The following SPATA21 variants were observed in gnomAD, a reference collection of about 807,000 sequenced individuals.
SPATA21 encodes spermatogenesis associated 21, also known as spermatogenesis-associated protein 21.
A neutral mutation model predicts 54.8 loss-of-function variants in SPATA21; 47 were observed. The ratio of observed to expected loss-of-function variants is 0.86; its 90% confidence interval spans 0.68 to 1.09. SPATA21 has a LOEUF of 1.09. Ranked by LOEUF, SPATA21 falls within the 50% of genes least tolerant of loss-of-function variation. The pLI is 0.00. For synonymous variants in SPATA21, 245 were observed against 235.3 expected, an observed-to-expected ratio of 1.04 and a Z score of -0.38; for missense variants, 599 against 596.4, an observed-to-expected ratio of 1.00 and a Z score of -0.05.
intron 3 of SPATA21, among the ~76,000 whole-genome samples, chr1:16,422,840 A>G (rs2086209910): frequency 1.3e-5 from 2 of 152,178 alleles, no homozygotes; most frequent in Admixed American, 1.3e-4. Flanking sequence ...ACTTCAAAGA[A>G]CAAGAATCCT....
At position 16,410,001 on chromosome 1, in the gene SPATA21, G is replaced by T. The variant is rs1344885435; in HGVS notation, c.187C>A (p.Gln63Lys). The T allele has an allele frequency of 1.3e-6, 2 of 1,590,294 alleles. No homozygotes were observed. Among genetic ancestry groups the T allele is most frequent in the South Asian group, 1.2e-5 (1 of 86,488 alleles). Residue 63 changes from glutamine (Q) to lysine (K), a missense_variant, in exon 6 of 13, where the codon CAG (glutamine) becomes AAG (lysine). Transcript: ENST00000335496. ...ACCGCGGGCTTCTGAGGCTGCTGCT[G>T]CGCACGGTCTGGCTCCCGCCTCTCT... is the stretch of plus-strand genomic sequence containing the variant. ...IGERREPDRA[Q>K]QQPQKPAVAA...
In SPATA21 at chr1:16,403,579, C is replaced by T. The variant is rs143659198; in HGVS notation, c.1001+148G>A. The T allele has an allele frequency of 6.5e-3, 4,561 of 698,312 alleles. 165 individuals carry two copies. In the African/African-American group the frequency reaches 0.071, roughly 11 times the overall value. The allele number at this position is 698,312 out of a possible 1,614,324, so 43.3% of individuals were successfully genotyped here. On this transcript the variant is annotated intron_variant, in intron 10 of 12. Coordinates refer to ENST00000335496, the MANE Select transcript of SPATA21 (RefSeq NM_198546.1). ...TCTCAGCTCACTGCAACCTCCACCTCCTGGGTTCAAGCGATTCTCGTGCCT... is the reference window on the plus strand; with the variant it reads ...TCTCAGCTCACTGCAACCTCCACCTTCTGGGTTCAAGCGATTCTCGTGCCT...
At chr1:16,437,079 G>A (rs1255500496) in intron 1 of SPATA21, 49 bp downstream of exon 1, 2 of 152,138 alleles carry the variant, frequency 1.3e-5, no homozygotes, top group Non-Finnish European at 2.9e-5. Context: ...TCTGGAGGCC[G>A]TCAGGGAAAG....
Position 16,416,094 on chromosome 1 carries a change from C to T in SPATA21, c.144+5415G>A, listed in dbSNP as rs1032780382. ...TCTTCTGTCACTGCTCTGCTACCCC[C>T]GAGCCTGCAGGGGCTCCCTGTGACT... On this transcript the variant is annotated intron_variant, in intron 5 of 12. Transcript: ENST00000335496. Among the ~76,000 whole-genome samples the T allele has an allele frequency of 2.6e-5, 4 of 152,216 alleles. No homozygotes were observed. In the East Asian group the frequency reaches 5.8e-4, roughly 22 times the overall value.
intron 2 of SPATA21, among the ~76,000 whole-genome samples, chr1:16,432,131 G>A (rs200892318): frequency 4.9e-5 from 3 of 61,048 alleles, no homozygotes; most frequent in Non-Finnish European, 1.1e-4. Flanking sequence ...TTTTTTTTTT[G>A]TTTGTTTTGA....
At position 16,409,781 on chromosome 1, in the gene SPATA21, G is replaced by A. The variant is rs759258862; in HGVS notation, c.407C>T (p.Ala136Val). The A allele has an allele frequency of 7.5e-6, 12 of 1,603,768 alleles. No individual in the cohort carries two copies. Among genetic ancestry groups the A allele is most frequent in the African/African-American group, 5.4e-5 (4 of 74,638 alleles). Residue 136 changes from alanine (A) to valine (V), a missense_variant, in exon 6 of 13, where the codon GCC becomes GTC. By Grantham distance (64) the Ala-to-Val change is moderately conservative. Coordinates refer to ENST00000335496, the MANE Select transcript of SPATA21 (RefSeq NM_198546.1). The surrounding 1 kb of genome is among the most constrained non-coding windows in gnomAD (Gnocchi z 4.1). ...SLPQTPASVP[A>V]SGPSWARLPA... ...CAGCCGGGCCCACGATGGGCCGCTG[G>A]CAGGGACCGAGGCAGGGGTCTGAGG...
chr1:16,425,079 C>G, intron 3 of SPATA21: 1 of 359,758 alleles, frequency 2.8e-6, no homozygotes, highest in Non-Finnish European at 5.5e-6. Flanking sequence ...CCACCACACC[C>G]GGCTAATTTT....
rs572877633 is a variant in SPATA21 at position 16,419,003 on chromosome 1, C to T, written c.144+2506G>A. 4.5e-4 allele frequency among the ~76,000 whole-genome samples: 69 copies of T among 152,236 alleles called. 1 individual carries two copies. The highest frequency in any genetic ancestry group is 1.2e-4 in the Non-Finnish European group (8 of 68,010). Reference sequence around the variant, plus strand: ...GAGTAAGTCAACTAGCAAGGCTGCCCTCAGGGAGCTTGCGTTCTAGATAAT... The same window carrying T: ...GAGTAAGTCAACTAGCAAGGCTGCCTTCAGGGAGCTTGCGTTCTAGATAAT... On this transcript the variant is annotated intron_variant, in intron 5 of 12. Coordinates refer to ENST00000335496, the MANE Select transcript of SPATA21 (RefSeq NM_198546.1).
At position 16,421,256 on chromosome 1, in the gene SPATA21, A is replaced by AG. The variant is rs1557665088; in HGVS notation, c.144+252dup. On this transcript the variant is annotated intron_variant, in intron 5 of 12. Transcript: ENST00000335496. This position sits in a 1 kb window ranked among gnomAD's most constrained non-coding sequence, Gnocchi z 5.2. ...CAAGCCACCACCTGGGATGAACCCA[A>AG]GGGCTCCAGAGTGTAAGAGCATTCT... is the stretch of plus-strand genomic sequence containing the variant. Among the ~76,000 whole-genome samples the AG allele has an allele frequency of 6.6e-6, 1 of 152,162 alleles. No homozygotes were observed. The highest frequency in any genetic ancestry group is 1.9e-4 in the East Asian group (1 of 5,176).
intron 10 of SPATA21, among the ~76,000 whole-genome samples, chr1:16,402,549 C>CTG (rs2085487967): frequency 6.6e-6 from 1 of 151,342 alleles, no homozygotes; most frequent in East Asian, 2.0e-4. Context: ...GCATGAGCCA[C>CTG]CATGCCTGGC....
intron 3 of SPATA21, among the ~76,000 whole-genome samples, chr1:16,424,264 G>A (rs1399599548): frequency 8.2e-6 from 1 of 121,770 alleles, no homozygotes. Flanking sequence ...AGTGAGCCGA[G>A]ATTGCGCCAC....
chr1:16,426,944 C>T (rs753860941), intron 3 of SPATA21, among the ~76,000 whole-genome samples: 2 of 152,060 alleles, frequency 1.3e-5, no homozygotes, highest in Non-Finnish European at 2.9e-5. Context: ...CCTTCAGAAA[C>T]ATGCTTTATA....
At chr1:16,407,204 G>A (rs1294922744) in intron 7 of SPATA21, among the ~76,000 whole-genome samples, 2 of 152,188 alleles carry the variant, frequency 1.3e-5, no homozygotes, top group African/African-American at 2.4e-5. Flanking sequence ...GTGACCTGTC[G>A]TGCGCAGGCA....
intron 10 of SPATA21, among the ~76,000 whole-genome samples, chr1:16,401,767 C>G (rs1176537391): frequency 4.6e-5 from 7 of 152,174 alleles, no homozygotes; most frequent in Admixed American, 3.3e-4. Context: ...CCGCTGGAGG[C>G]CCCCTGCAAC....
At chr1:16,397,115 T>A (rs2085325390), downstream of SPATA21, 2 of 152,276 alleles carry the variant, frequency 1.3e-5, no homozygotes, top group Non-Finnish European at 2.9e-5. This position sits in a 1 kb window ranked among gnomAD's most constrained non-coding sequence, Gnocchi z 5.4. Flanking sequence ...CCAGAAGTGC[T>A]GATTGCCCAG....
At position 16,399,513 on chromosome 1, in the gene SPATA21, G is replaced by C; in HGVS notation, c.1183C>G (p.Leu395Val). The C allele has an allele frequency of 6.2e-7, 1 of 1,612,840 alleles. No individual in the cohort carries two copies. The highest frequency in any genetic ancestry group is 1.1e-5 in the South Asian group (1 of 90,904). ...RLKQQNYAPN[L>V]QSPYAQVPCI... ...GGCACCTGGGCATAGGGGCTCTGCAGGTTGGGAGCTGGTGAAGAAGGAGGC... is the reference window on the plus strand; with the variant it reads ...GGCACCTGGGCATAGGGGCTCTGCACGTTGGGAGCTGGTGAAGAAGGAGGC... The change falls in exon 12 of 13, where the codon CTG (leucine) becomes GTG (valine). Residue 395 changes from leucine (L) to valine (V), a missense_variant. Coordinates refer to ENST00000335496, the MANE Select transcript of SPATA21 (RefSeq NM_198546.1).
Position 16,425,456 on chromosome 1 carries a change from A to AG in SPATA21, c.35-3486dup. On this transcript the variant is annotated intron_variant, in intron 3 of 12. Transcript: ENST00000335496. The stretch of plus-strand genomic sequence containing the variant: ...GCACCAGAATGGGGGGCATGATAGG[A>AG]GGGGGGCTCTTTCACCTCCTCTGTG... The AG allele has an allele frequency of 2.0e-6, 3 of 1,478,840 alleles. 1 individual carries two copies. Among genetic ancestry groups the AG allele is most frequent in the East Asian group, 5.0e-5 (2 of 40,010 alleles). The allele number at this position is 1,478,840 out of a possible 1,614,324, so 91.6% of individuals were successfully genotyped here. A position where few individuals can be genotyped will look rare whatever the true frequency, so the allele number is the denominator to read the frequency against.
Position 16,428,158 on chromosome 1 carries a change from G to C in SPATA21, c.34+3180C>G, listed in dbSNP as rs1283911518. On this transcript the variant is annotated intron_variant, in intron 3 of 12. Coordinates refer to ENST00000335496, the MANE Select transcript of SPATA21 (RefSeq NM_198546.1). This position sits in a 1 kb window ranked among gnomAD's most constrained non-coding sequence, Gnocchi z 4.3. ...GCCTGATTGGGGAAGCTGTTGGAGA[G>C]GGGTGAGCAGGAGCTGAGAGGCAGG... The C allele has an allele frequency of 4.4e-6, 5 of 1,131,614 alleles. No individual in the cohort carries two copies. In the South Asian group the frequency reaches 5.4e-5, roughly 12 times the overall value. The allele number at this position is 1,131,614 out of a possible 1,614,324, so 70.1% of individuals were successfully genotyped here.
rs373177638 is a variant in SPATA21 at position 16,411,109 on chromosome 1, CACTCTCTCTTCCTA to C, written c.145-1080_145-1067del. ...AATCAAAGACACTGTGCTTACCACA[CACTCTCTCTTCCTA>C]AGTTATCAACTTCGCTTTCCCCACC... On this transcript the variant is annotated intron_variant, in intron 5 of 12. Coordinates refer to ENST00000335496, the MANE Select transcript of SPATA21 (RefSeq NM_198546.1). Among the ~76,000 whole-genome samples, 910 of 152,332 alleles carry C rather than the reference CACTCTCTCTTCCTA, an allele frequency of 6.0e-3. 7 individuals are homozygous for C. The highest frequency in any genetic ancestry group is 0.021 in the African/African-American group (865 of 41,582).
Sources: allele counts gnomAD v4.1 joint callset (sites outside exome capture counted in the v4.1 genomes callset), GRCh38; gene constraint gnomAD v4.1.1; non-coding constraint Gnocchi (gnomAD v3.1); transcripts MANE v1.5; gene names NCBI Gene and HGNC (gene_info 2026-07-23, HGNC 2026-07-21).